Variants in ZMAT5 observed in about 807,000 individuals in gnomAD.
The protein encoded by ZMAT5 is zinc finger matrin-type protein 5.
Under a neutral mutation model 28.0 loss-of-function variants are expected in ZMAT5, and 23 were observed. The observed-to-expected ratio is 0.82, with a 90% CI of 0.59 to 1.16. The LOEUF (loss-of-function observed/expected upper bound fraction) is 1.16. Ranked by LOEUF, ZMAT5 falls within the 50% of genes most tolerant of loss-of-function variation. The pLI is 0.00. For synonymous variants in ZMAT5, 76 were observed against 84.1 expected (o/e 0.90, Z 0.52); for missense variants, 173 against 212.7 (o/e 0.81, Z 1.16).
At chr22:29,733,669 G>A (rs1325299470) in intron 5 of ZMAT5, among the ~76,000 whole-genome samples, 3 of 152,232 alleles carry the variant, frequency 2.0e-5, no homozygotes, top group African/African-American at 7.2e-5. Context: ...TGGGCTCCCT[G>A]CAGGGCCACA....
At position 29,740,744 on chromosome 22, in the gene ZMAT5, A is replaced by G. The variant is rs778347477; in HGVS notation, c.191-14T>C. ...AGTCGCACTGGCCTGCAGCAGGAAG[A>G]CAGAGTTACTCGCTGCTCGGGAGGG... On this transcript the variant is annotated splice_polypyrimidine_tract_variant and intron_variant, in intron 3 of 5. Coordinates refer to ENST00000344318, the MANE Select transcript of ZMAT5 (RefSeq NM_001003692.2). 2.1e-5 allele frequency: 34 copies of G among 1,585,696 alleles called. No homozygotes were observed. Among genetic ancestry groups the G allele is most frequent in the Non-Finnish European group, 2.9e-5 (34 of 1,165,966 alleles).
chr22:29,753,260 C>T (rs1330856213), intron 1 of ZMAT5, among the ~76,000 whole-genome samples: 1 of 152,232 alleles, frequency 6.6e-6, no homozygotes, highest in Non-Finnish European at 1.5e-5. Flanking sequence ...GGCGTGGTGG[C>T]TCACGCCCAT....
At chr22:29,743,265 A>C (rs185166236) in intron 2 of ZMAT5, among the ~76,000 whole-genome samples, 3 of 152,298 alleles carry the variant, frequency 2.0e-5, no homozygotes, top group African/African-American at 7.2e-5. Context: ...ACTGCTCCAC[A>C]GGCAAGACTG....
intron 3 of ZMAT5, among the ~76,000 whole-genome samples, chr22:29,742,147 C>T (rs982278093): frequency 3.3e-5 from 5 of 152,206 alleles, no homozygotes; most frequent in Admixed American, 3.3e-4. Flanking sequence ...CCATAAGTGT[C>T]TCTTGGATTT....
chr22:29,737,958 C>G (rs761777433), intron 5 of ZMAT5, among the ~76,000 whole-genome samples: 7 of 152,024 alleles, frequency 4.6e-5, no homozygotes, highest in Non-Finnish European at 1.0e-4. Context: ...CAAGTCGCAC[C>G]CTCCCTGTTT....
intron 1 of ZMAT5, among the ~76,000 whole-genome samples, chr22:29,756,015 T>C (rs1288036595): frequency 1.3e-5 from 2 of 152,254 alleles, no homozygotes; most frequent in African/African-American, 4.8e-5. Flanking sequence ...CCTTTCGTTG[T>C]GTGTGTCTCA....
At chr22:29,742,511 T>C (rs1433648182) in intron 2 of ZMAT5, 31 bp from the exon 3 acceptor site, 1 of 1,608,724 alleles carries the variant, frequency 6.2e-7, no homozygotes, top group Non-Finnish European at 8.5e-7. Context: ...GGGATTCGGA[T>C]GGTTCAGGCT....
chr22:29,759,313 C>T (rs2068133093), intron 1 of ZMAT5, among the ~76,000 whole-genome samples: 1 of 152,186 alleles, frequency 6.6e-6, no homozygotes, highest in Admixed American at 6.5e-5. Flanking sequence ...CCTCTATCTC[C>T]ACTGTCACTA....
At chr22:29,735,778 C>T (rs1022343346) in intron 5 of ZMAT5, among the ~76,000 whole-genome samples, 6 of 152,218 alleles carry the variant, frequency 3.9e-5, no homozygotes, top group African/African-American at 1.4e-4. Flanking sequence ...ACCACTTCAA[C>T]CTGTGACTAG....
chr22:29,731,520 G>T, intron 5 of ZMAT5, 166 bp from the exon 6 acceptor site: 1 of 848,412 alleles, frequency 1.2e-6, no homozygotes, highest in Non-Finnish European at 1.7e-6. Context: ...TTGAGCCAGC[G>T]ACCTCACCTC....
At chr22:29,749,611 C>T (rs1226642700) in intron 1 of ZMAT5, among the ~76,000 whole-genome samples, 1 of 152,204 alleles carries the variant, frequency 6.6e-6, no homozygotes, top group African/African-American at 2.4e-5. Context: ...CCACTCCCTG[C>T]TTTATTTTCC....
At chr22:29,732,116 C>T (rs938743342) in intron 5 of ZMAT5, among the ~76,000 whole-genome samples, 2 of 152,248 alleles carry the variant, frequency 1.3e-5, no homozygotes, top group African/African-American at 4.8e-5. Context: ...CGATGGCCCC[C>T]CAACCATTCT....
In ZMAT5 at chr22:29,760,375, CA is replaced by C. The variant is rs131280; in HGVS notation, c.-28+6496del. Among the ~76,000 whole-genome samples the C allele has an allele frequency of 8.6e-3, 846 of 98,446 alleles. 3 individuals are homozygous for C. The highest frequency in any genetic ancestry group is 0.012 in the Middle Eastern group (2 of 170). The allele number at this position is 98,446 out of a possible 152,430, so 64.6% of individuals were successfully genotyped here. ...GTGACAGAGACAGACTCCTCTGTCT[CA>C]AAAAAAAAAAAAAAAAAATTAGCTC... is the stretch of plus-strand genomic sequence containing the variant. On this transcript the variant is annotated intron_variant, in intron 1 of 5. Coordinates refer to ENST00000344318, the MANE Select transcript of ZMAT5 (RefSeq NM_001003692.2).
chr22:29,742,492 G>A lies in ZMAT5; in HGVS notation c.128-12C>T. On this transcript the variant is annotated splice_polypyrimidine_tract_variant and intron_variant, in intron 2 of 5. Transcript: ENST00000344318. Reference sequence around the variant, plus strand: ...GATGGCAGCTGCATCTGCGAGAGAAGAGAGGGACGGGATTCGGATGGTTCA... The same window carrying A: ...GATGGCAGCTGCATCTGCGAGAGAAAAGAGGGACGGGATTCGGATGGTTCA... 6.2e-7 allele frequency: 1 copy of A among 1,611,820 alleles called. No homozygotes were observed. Among genetic ancestry groups the A allele is most frequent in the Non-Finnish European group, 8.5e-7 (1 of 1,179,788 alleles).
intron 2 of ZMAT5, among the ~76,000 whole-genome samples, chr22:29,742,820 G>A (rs1013243692): frequency 2.0e-4 from 31 of 152,058 alleles, no homozygotes; most frequent in South Asian, 2.1e-4. Context: ...ACAGGGTCTC[G>A]CTCTGTCACC....
intron 2 of ZMAT5, chr22:29,748,058 C>T: frequency 5.6e-6 from 2 of 355,876 alleles, no homozygotes; most frequent in Non-Finnish European, 1.1e-5. Context: ...CCTGCTCCGC[C>T]CAGCCACACC....
At chr22:29,765,797 G>A (rs2068203961) in intron 1 of ZMAT5, among the ~76,000 whole-genome samples, 1 of 152,154 alleles carries the variant, frequency 6.6e-6, no homozygotes, top group African/African-American at 2.4e-5. Flanking sequence ...GAACCCGGGA[G>A]GCGGAGGTTG....
Position 29,731,317 on chromosome 22 carries a change from C to G in ZMAT5, c.421G>C (p.Val141Leu), listed in dbSNP as rs765805169. 6 of 1,531,360 alleles carry G rather than the reference C, an allele frequency of 3.9e-6. No individual in the cohort carries two copies. Among genetic ancestry groups the G allele is most frequent in the Non-Finnish European group, 5.2e-6 (6 of 1,150,826 alleles). The allele number at this position is 1,531,360 out of a possible 1,614,324, so 94.9% of individuals were successfully genotyped here. ...PIRTTVFQYP[V>L]GWPPVQELPP... Reference sequence around the variant, plus strand: ...AGCTCCTGAACTGGTGGCCAGCCCACGGGGTACTGGAAGACAGTGGTTCTG... The same window carrying G: ...AGCTCCTGAACTGGTGGCCAGCCCAGGGGGTACTGGAAGACAGTGGTTCTG... The change falls in exon 6 of 6, where the codon GTG (valine) becomes CTG (leucine). Residue 141 changes from valine (V) to leucine (L), a missense_variant. Physicochemically the swap from Val to Leu is conservative, Grantham distance 32. Coordinates refer to ENST00000344318, the MANE Select transcript of ZMAT5 (RefSeq NM_001003692.2).
chr22:29,742,530 G>T (rs762551344), intron 2 of ZMAT5, 50 bp from the exon 3 acceptor site: 6 of 1,593,646 alleles, frequency 3.8e-6, no homozygotes, highest in South Asian at 1.1e-5. Context: ...CTCCACCAAA[G>T]GAGGCAGGAA....
Sources: gnomAD v4.1 joint callset for allele counts (sites outside exome capture counted in the v4.1 genomes callset) on GRCh38, gnomAD v4.1.1 for gene constraint, MANE v1.5 for transcripts, NCBI Gene and HGNC (gene_info 2026-07-23, HGNC 2026-07-21) for gene names.